Variants in ATG13 observed in about 807,000 individuals in gnomAD.
ATG13 encodes autophagy-related protein 13.
In ATG13, 23 loss-of-function variants were observed where a neutral mutation model predicts 65.5. That is an observed-to-expected ratio of 0.35 (90% CI 0.25 to 0.50). ATG13 has a LOEUF of 0.50. ATG13 is among the 20% of genes least tolerant of loss of function. The pLI is 0.98. For synonymous variants in ATG13, 252 were observed against 245.2 expected, an observed-to-expected ratio of 1.03 and a Z score of -0.26; for missense variants, 566 against 677.0, an observed-to-expected ratio of 0.84 and a Z score of 1.82.
chr11:46,664,961 T>C lies in ATG13; in HGVS notation c.999+2T>C. The C allele has an allele frequency of 6.2e-7, 1 of 1,612,338 alleles. No homozygotes were observed. Among genetic ancestry groups the C allele is most frequent in the South Asian group, 1.1e-5 (1 of 91,036 alleles). On this transcript the variant is annotated splice_donor_variant, in intron 13 of 18. Transcript: ENST00000683050. LOFTEE classifies it high-confidence loss of function. ...TTAAATGCTACACACCCTCACCAGG[T>C]ATCTTTAAAGATGGGGAGGACTATG...
rs953835564 is a variant in ATG13 at position 46,663,945 on chromosome 11, C to CTTTTTTT, written c.790-40_790-34dup. The CTTTTTTT allele has an allele frequency of 4.5e-4, 347 of 763,590 alleles. 1 individual carries two copies. The highest frequency in any genetic ancestry group is 1.8e-3 in the South Asian group (92 of 52,474). The allele number at this position is 763,590 out of a possible 1,614,324, so 47.3% of individuals were successfully genotyped here. A position where few individuals can be genotyped will look rare whatever the true frequency, so the allele number is the denominator to read the frequency against. ...TTCACTTCTTTCTCAAGTCCCTTTT[C>CTTTTTTT]TTTTTTTTTTTTTTTTTTGTTTCTC... On this transcript the variant is annotated intron_variant, in intron 11 of 18. Coordinates refer to ENST00000683050, the MANE Select transcript of ATG13 (RefSeq NM_001346311.2).
chr11:46,630,493 G>A (rs369376554), intron 2 of ATG13, among the ~76,000 whole-genome samples: 9 of 151,356 alleles, frequency 5.9e-5, no homozygotes, highest in East Asian at 3.9e-4. Flanking sequence ...CAATTTACCT[G>A]ATTTCTCACT....
At chr11:46,652,827 TTTAC>T (rs2059191386) in intron 7 of ATG13, among the ~76,000 whole-genome samples, 1 of 152,184 alleles carries the variant, frequency 6.6e-6, no homozygotes, top group South Asian at 2.1e-4. Context: ...TTAAAGGGTA[TTTAC>T]TTAGCAAGAT....
At chr11:46,636,695 G>A (rs988501976) in intron 2 of ATG13, among the ~76,000 whole-genome samples, 55 of 151,708 alleles carry the variant, frequency 3.6e-4, no homozygotes, top group African/African-American at 1.2e-3. Flanking sequence ...GGCCACAAGC[G>A]ATCCTCCTGC....
At position 46,638,080 on chromosome 11, in the gene ATG13, A is replaced by G. The variant is rs11038943; in HGVS notation, c.-13-6199A>G. ...GTCTAAATTGTGTAGTGACCTATTC[A>G]GGATAATTAGCATATTCATCATCTT... On this transcript the variant is annotated intron_variant, in intron 2 of 18. Coordinates refer to ENST00000683050, the MANE Select transcript of ATG13 (RefSeq NM_001346311.2). Among the ~76,000 whole-genome samples the G allele has an allele frequency of 5.9e-3, 900 of 152,312 alleles. 4 individuals carry two copies. The highest frequency in any genetic ancestry group is 0.018 in the South Asian group (88 of 4,828).
chr11:46,667,524 A>C (rs1409203326), intron 14 of ATG13, among the ~76,000 whole-genome samples: 1 of 152,216 alleles, frequency 6.6e-6, no homozygotes, highest in African/African-American at 2.4e-5. Context: ...AAGGAATCAA[A>C]TTTGGAACTA....
intron 11 of ATG13, among the ~76,000 whole-genome samples, chr11:46,661,424 A>C (rs2061184871): frequency 6.7e-6 from 1 of 150,266 alleles, no homozygotes; most frequent in Non-Finnish European, 1.5e-5. Context: ...AGGCCGAGGC[A>C]GGAGAATTGC....
chr11:46,655,807 G>C (rs2059927094), intron 7 of ATG13, among the ~76,000 whole-genome samples: 1 of 152,138 alleles, frequency 6.6e-6, no homozygotes, highest in East Asian at 1.9e-4. Flanking sequence ...GTGCAATCTT[G>C]GCTCACTGCA....
At chr11:46,619,152 A>G (rs1052155329) in intron 1 of ATG13, among the ~76,000 whole-genome samples, 11 of 152,104 alleles carry the variant, frequency 7.2e-5, no homozygotes, top group African/African-American at 2.7e-4. Context: ...ATTGCTTCCT[A>G]TCAAATTGTG....
Position 46,672,652 on chromosome 11 carries a change from C to T in ATG13, c.*320C>T, listed in dbSNP as rs767243029. 1 of 1,384,936 alleles carries T rather than the reference C, an allele frequency of 7.2e-7. No individual in the cohort carries two copies. The highest frequency in any genetic ancestry group is 1.9e-5 in the Admixed American group (1 of 53,282). 85.8% of individuals were successfully genotyped at this position (1,384,936 alleles called of 1,614,324 possible). On this transcript the variant is annotated 3_prime_UTR_variant, in exon 19 of 19. Transcript: ENST00000683050. ...GCTTCCCAAGGGTGTCATCCTGTTC[C>T]TCCTGCTGCCGGCCTCCTGCCTGGG...
At chr11:46,662,073 G>T (rs2061335909) in intron 11 of ATG13, among the ~76,000 whole-genome samples, 1 of 152,150 alleles carries the variant, frequency 6.6e-6, no homozygotes, top group African/African-American at 2.4e-5. Context: ...CTGGTCAGGG[G>T]AGCTTCTTGT....
chr11:46,620,136 G>A (rs1005571635), intron 1 of ATG13, among the ~76,000 whole-genome samples: 1 of 151,718 alleles, frequency 6.6e-6, no homozygotes, highest in African/African-American at 2.4e-5. Context: ...TGTTGCCCAG[G>A]CTGGAGGACA....
At chr11:46,664,650 A>G (rs943254463) in intron 12 of ATG13, among the ~76,000 whole-genome samples, 199 bp from the exon 13 acceptor site, 4 of 152,210 alleles carry the variant, frequency 2.6e-5, no homozygotes, top group Non-Finnish European at 5.9e-5. Flanking sequence ...CAATCCCAGT[A>G]CAAACAAGTC....
In ATG13 at chr11:46,672,832, C is replaced by T. The variant is rs943596852; in HGVS notation, c.*500C>T. The T allele has an allele frequency of 8.1e-6, 10 of 1,233,988 alleles. No individual in the cohort carries two copies. The highest frequency in any genetic ancestry group is 1.6e-5 in the African/African-American group (1 of 64,404). 76.4% of individuals were successfully genotyped at this position (1,233,988 alleles called of 1,614,324 possible). On this transcript the variant is annotated 3_prime_UTR_variant, in exon 19 of 19. Coordinates refer to ENST00000683050, the MANE Select transcript of ATG13 (RefSeq NM_001346311.2). ...GAGTCCCTTAGCTCTCTTCATTGTC[C>T]CCTTTACTTCCTGCTATCTTCTTCT...
chr11:46,620,685 G>C (rs2047198469), intron 1 of ATG13, among the ~76,000 whole-genome samples: 1 of 151,850 alleles, frequency 6.6e-6, no homozygotes, highest in Non-Finnish European at 1.5e-5. Context: ...TGAGACAAGA[G>C]AATCGCTTGA....
intron 10 of ATG13, among the ~76,000 whole-genome samples, chr11:46,658,612 C>T (rs955565710): frequency 2.0e-5 from 3 of 151,538 alleles, no homozygotes; most frequent in Admixed American, 6.6e-5. Context: ...CTTGGCTCAC[C>T]GCAGCCTTCA....
At chr11:46,623,070 G>A (rs55762640) in intron 1 of ATG13, among the ~76,000 whole-genome samples, 2,924 of 152,180 alleles carry the variant, frequency 0.019, 86 homozygotes, top group African/African-American at 0.062. Flanking sequence ...CAAGGCGGGC[G>A]GATCACGAGG....
intron 5 of ATG13, among the ~76,000 whole-genome samples, chr11:46,647,271 G>GT (rs1201682594): frequency 4.1e-4 from 55 of 132,902 alleles, no homozygotes; most frequent in African/African-American, 1.5e-3. Flanking sequence ...TTGGGTTTTT[G>GT]TTTTTTTTGT....
chr11:46,626,510 A>G (rs935986166), intron 1 of ATG13, among the ~76,000 whole-genome samples: 2 of 152,136 alleles, frequency 1.3e-5, no homozygotes, highest in Admixed American at 6.6e-5. Flanking sequence ...TCCGCCTCCC[A>G]GAGTGCTGGG....
Sources: allele counts gnomAD v4.1 joint callset (sites outside exome capture counted in the v4.1 genomes callset), GRCh38; gene constraint gnomAD v4.1.1; transcripts MANE v1.5; gene names NCBI Gene and HGNC (gene_info 2026-07-23, HGNC 2026-07-21).